PIPOX: variants seen among roughly 807,000 people sequenced by gnomAD.
The protein encoded by PIPOX is pipecolic acid and sarcosine oxidase.
A neutral mutation model predicts 47.9 loss-of-function variants in PIPOX; 45 were observed. That is an observed-to-expected ratio of 0.94 (90% CI 0.74 to 1.20). PIPOX has a LOEUF of 1.20. Among genes scored for constraint, PIPOX ranks in the 50% most tolerant of loss-of-function variants. The probability of loss-of-function intolerance (pLI) is 0.00; values close to 1 mark genes in which losing one functional copy is unlikely to be tolerated. For synonymous variants in PIPOX, 165 were observed against 191.3 expected (o/e 0.86, Z 1.13); for missense variants, 458 against 498.4 (o/e 0.92, Z 0.77).
intron 2 of PIPOX, among the ~76,000 whole-genome samples, chr17:29,049,943 A>T (rs1028192507): frequency 1.3e-5 from 2 of 152,194 alleles, no homozygotes; most frequent in African/African-American, 4.8e-5. Context: ...GCACAATTAC[A>T]TTCACCGGCA....
At chr17:29,044,485 T>C (rs1347421076) in intron 1 of PIPOX, 1 of 156,718 alleles carries the variant, frequency 6.4e-6, no homozygotes, top group Admixed American at 6.4e-5. Flanking sequence ...GAATTTTTTT[T>C]TGTGGGGGGA....
intron 2 of PIPOX, among the ~76,000 whole-genome samples, chr17:29,049,949 C>T (rs953412883): frequency 2.6e-5 from 4 of 152,302 alleles, no homozygotes; most frequent in East Asian, 1.9e-4. Flanking sequence ...TTACATTCAC[C>T]GGCAGAATCA....
At chr17:29,054,389 G>A (rs2065818684) in intron 4 of PIPOX, among the ~76,000 whole-genome samples, 156 bp from the exon 5 acceptor site, 1 of 152,148 alleles carries the variant, frequency 6.6e-6, no homozygotes, top group African/African-American at 2.4e-5. Flanking sequence ...CATGTAACAG[G>A]TAAACAACAT....
intron 2 of PIPOX, among the ~76,000 whole-genome samples, chr17:29,046,188 C>T (rs1378607996): frequency 6.6e-6 from 1 of 152,186 alleles, no homozygotes; most frequent in African/African-American, 2.4e-5. Flanking sequence ...GCTAATGCAC[C>T]CAGCACCCAA....
In PIPOX at chr17:29,053,518, G is replaced by A. The variant is rs1450826011; in HGVS notation, c.583G>A (p.Ala195Thr). ...TVKTTSRSYQ[A>T]KSLVITAGPW... ...GAAAACCACCTCCAGGAGCTACCAAGCTAAGAGCTTGGTCATCACAGCAGG... is the reference window on the plus strand; with the variant it reads ...GAAAACCACCTCCAGGAGCTACCAAACTAAGAGCTTGGTCATCACAGCAGG... Residue 195 changes from alanine to threonine, a missense_variant, in exon 4 of 8, where the codon GCT (alanine) becomes ACT (threonine). By Grantham distance (58) the Ala-to-Thr change is moderately conservative. Transcript: ENST00000323372. The A allele has an allele frequency of 1.2e-6, 2 of 1,614,096 alleles. No individual in the cohort carries two copies. The highest frequency in any genetic ancestry group is 1.7e-6 in the Non-Finnish European group (2 of 1,179,960).
At chr17:29,047,699 T>A (rs1378061132) in intron 2 of PIPOX, among the ~76,000 whole-genome samples, 1 of 149,968 alleles carries the variant, frequency 6.7e-6, no homozygotes, top group Non-Finnish European at 1.5e-5. Flanking sequence ...TTAAAAAAAA[T>A]CAACAATTAA....
Position 29,053,056 on chromosome 17 carries a change from T to C in PIPOX, c.400T>C (p.Leu134=). 6.2e-7 allele frequency: 1 copy of C among 1,614,234 alleles called. No individual in the cohort carries two copies. The highest frequency in any genetic ancestry group is 8.5e-7 in the Non-Finnish European group (1 of 1,180,036). ...GAAGCAACGTTTCCCAAATATTCGGTTGCCCAGGGGAGAAGTGGGGCTCTT... is the reference window on the plus strand; with the variant it reads ...GAAGCAACGTTTCCCAAATATTCGGCTGCCCAGGGGAGAAGTGGGGCTCTT... The part of the protein sequence containing the change: ...ELKQRFPNIR[L]PRGEVGLLDN... Residue 134 remains leucine, a synonymous_variant, in exon 3 of 8, where the codon TTG becomes CTG. Transcript: ENST00000323372.
intron 2 of PIPOX, among the ~76,000 whole-genome samples, chr17:29,052,303 G>A (rs540020052): frequency 6.6e-6 from 1 of 152,346 alleles, no homozygotes; most frequent in East Asian, 1.9e-4. Context: ...CAAGCCATGG[G>A]ACATGAAAGA....
At position 29,056,219 on chromosome 17, in the gene PIPOX, G is replaced by A; in HGVS notation, c.1087G>A (p.Glu363Lys). 1 of 1,614,132 alleles carries A rather than the reference G, an allele frequency of 6.2e-7. No individual in the cohort carries two copies. Among genetic ancestry groups the A allele is most frequent in the East Asian group, 2.2e-5 (1 of 44,880 alleles). The change falls in exon 8 of 8, where the codon GAA (glutamate) becomes AAA (lysine). Residue 363 changes from glutamate to lysine, a missense_variant. By Grantham distance (56) the Glu-to-Lys change is moderately conservative (BLOSUM62 1). Coordinates refer to ENST00000323372, the MANE Select transcript of PIPOX (RefSeq NM_016518.3). ...LAPVVGKILY[E>K]LSMKLTPSYD... ...CCCTGTGGTGGGGAAGATCCTGTATGAATTAAGCATGAAATTAACACCATC... is the reference window on the plus strand; with the variant it reads ...CCCTGTGGTGGGGAAGATCCTGTATAAATTAAGCATGAAATTAACACCATC...
chr17:29,055,972 C>A (rs2065826327), intron 7 of PIPOX, 84 bp downstream of exon 7: 1 of 1,370,508 alleles, frequency 7.3e-7, no homozygotes, highest in South Asian at 1.2e-5. Flanking sequence ...ACACTCTTAG[C>A]TGCCCAGATA....
intron 2 of PIPOX, among the ~76,000 whole-genome samples, chr17:29,051,023 G>A (rs193254794): frequency 6.6e-6 from 1 of 152,002 alleles, no homozygotes; most frequent in East Asian, 1.9e-4. Flanking sequence ...TCCAGAGGCT[G>A]AGGCAGGAGA....
intron 6 of PIPOX, among the ~76,000 whole-genome samples, chr17:29,055,582 A>G (rs1158668185): frequency 6.6e-6 from 1 of 152,238 alleles, no homozygotes; most frequent in East Asian, 1.9e-4. Flanking sequence ...TTAGTTTACA[A>G]AGATTAACTG....
chr17:29,049,667 T>C (rs149286608), intron 2 of PIPOX, among the ~76,000 whole-genome samples: 103 of 152,296 alleles, frequency 6.8e-4, no homozygotes, highest in African/African-American at 2.4e-3. Context: ...TTCCAGGCAG[T>C]GTTTTACATT....
chr17:29,056,179 C>G lies in PIPOX; in HGVS notation c.1047C>G (p.His349Gln). Reference sequence around the variant, plus strand: ...AGTCTGCTCTTCCCTTCCTAGGGCACGGGTTCAAGCTGGCCCCTGTGGTGG... The same window carrying G: ...AGTCTGCTCTTCCCTTCCTAGGGCAGGGGTTCAAGCTGGCCCCTGTGGTGG... ...NIVIGAGFSG[H>Q]GFKLAPVVGK... The change falls in exon 8 of 8, where the codon CAC becomes CAG. Residue 349 changes from histidine to glutamine, a missense_variant. Coordinates refer to ENST00000323372, the MANE Select transcript of PIPOX (RefSeq NM_016518.3). 1 of 1,614,106 alleles carries G rather than the reference C, an allele frequency of 6.2e-7. No individual in the cohort carries two copies.
chr17:29,053,962 C>A (rs1316725284), intron 4 of PIPOX, among the ~76,000 whole-genome samples: 2 of 152,170 alleles, frequency 1.3e-5, no homozygotes, highest in African/African-American at 2.4e-5. Flanking sequence ...AGGAGAATTT[C>A]TTGAGCCCAG....
chr17:29,048,927 C>A (rs2065795205), intron 2 of PIPOX, among the ~76,000 whole-genome samples: 1 of 152,182 alleles, frequency 6.6e-6, no homozygotes, highest in African/African-American at 2.4e-5. Flanking sequence ...CATTTTTAAC[C>A]CACAGAGGGG....
intron 2 of PIPOX, chr17:29,051,886 A>G: frequency 4.3e-6 from 2 of 467,270 alleles, no homozygotes; most frequent in Admixed American, 4.7e-5. Context: ...TGTGCCAACT[A>G]CAAAAATGGA....
rs2065773526 is a variant in PIPOX at position 29,043,290 on chromosome 17, C to G, written c.65C>G (p.Thr22Ser). 6.2e-7 allele frequency: 1 copy of G among 1,613,784 alleles called. No homozygotes were observed. Among genetic ancestry groups the G allele is most frequent in the Non-Finnish European group, 8.5e-7 (1 of 1,179,858 alleles). ...VIGAGIQGCFTAYHLAKHRKR... is the reference protein window; with the variant it reads ...VIGAGIQGCFSAYHLAKHRKR... Reference sequence around the variant, plus strand: ...GGGGCGGGGATCCAGGGCTGCTTCACTGCATACCACCTGGCCAAACACAGG... The same window carrying G: ...GGGGCGGGGATCCAGGGCTGCTTCAGTGCATACCACCTGGCCAAACACAGG... Residue 22 changes from threonine to serine, a missense_variant, in exon 1 of 8, where the codon ACT (threonine) becomes AGT (serine). Coordinates refer to ENST00000323372, the MANE Select transcript of PIPOX (RefSeq NM_016518.3).
chr17:29,048,025 T>G (rs2065791973), intron 2 of PIPOX, among the ~76,000 whole-genome samples: 1 of 152,248 alleles, frequency 6.6e-6, no homozygotes, highest in South Asian at 2.1e-4. Flanking sequence ...TTCTTACTAC[T>G]ATTGTTATTA....
Sources: allele counts gnomAD v4.1 joint callset (sites outside exome capture counted in the v4.1 genomes callset), GRCh38; gene constraint gnomAD v4.1.1; transcripts MANE v1.5; gene names NCBI Gene and HGNC (gene_info 2026-07-23, HGNC 2026-07-21).